Variants in CNTN6 observed in about 807,000 individuals in gnomAD.
CNTN6 encodes the protein contactin-6.
Under a neutral mutation model 122.8 loss-of-function variants are expected in CNTN6, and 137 were observed. The observed-to-expected ratio is 1.12, with a 90% CI of 0.97 to 1.29. The LOEUF (loss-of-function observed/expected upper bound fraction) is 1.29. Among genes scored for constraint, CNTN6 ranks in the 50% most tolerant of loss-of-function variants. CNTN6 has a pLI of 0.00. For synonymous variants in CNTN6, 570 were observed against 426.0 expected (o/e 1.34, Z -4.16); for missense variants, 1,634 against 1,223.4 (o/e 1.34, Z -5.01).
intron 12 of CNTN6, among the ~76,000 whole-genome samples, chr3:1,369,106 C>T (rs1195439309): frequency 6.6e-6 from 1 of 152,194 alleles, no homozygotes; most frequent in Non-Finnish European, 1.5e-5. Context: ...TCTGTGAACG[C>T]TCTTGCCTGC....
At chr3:1,293,037 A>G (rs1460281229) in intron 5 of CNTN6, among the ~76,000 whole-genome samples, 1 of 152,172 alleles carries the variant, frequency 6.6e-6, no homozygotes, top group Non-Finnish European at 1.5e-5. Flanking sequence ...TTCATGCGCA[A>G]GTAGCATTTA....
chr3:1,388,151 T>A (rs189292450), intron 20 of CNTN6, among the ~76,000 whole-genome samples: 2,878 of 151,742 alleles, frequency 0.019, 95 homozygotes, highest in African/African-American at 0.066. Flanking sequence ...TCTGCAGAGT[T>A]AAATGTCCCT....
intron 7 of CNTN6, among the ~76,000 whole-genome samples, chr3:1,310,742 C>A (rs1220676114): frequency 6.6e-6 from 1 of 152,126 alleles, no homozygotes. Context: ...TGGCTCATGC[C>A]TGTAATCCCA....
intron 12 of CNTN6, among the ~76,000 whole-genome samples, chr3:1,359,649 A>C (rs1426124278): frequency 6.6e-6 from 1 of 152,122 alleles, no homozygotes; most frequent in East Asian, 1.9e-4. Context: ...TACACGTGTG[A>C]GCAGATAATC....
intron 2 of CNTN6, among the ~76,000 whole-genome samples, chr3:1,179,347 C>G (rs915298981): frequency 6.6e-6 from 1 of 152,102 alleles, no homozygotes; most frequent in Non-Finnish European, 1.5e-5. Context: ...CTCGGAGTCT[C>G]TACCCACACA....
chr3:1,245,306 A>ATTT (rs1319121810), intron 4 of CNTN6, among the ~76,000 whole-genome samples: 1 of 10,028 alleles, frequency 1.0e-4, no homozygotes, highest in Non-Finnish European at 1.7e-4. Context: ...ATATATATAT[A>ATTT]TATATATATA....
intron 4 of CNTN6, among the ~76,000 whole-genome samples, chr3:1,239,615 G>T (rs2094458827): frequency 6.6e-6 from 1 of 152,034 alleles, no homozygotes; most frequent in African/African-American, 2.4e-5. Context: ...AATCTACAAA[G>T]TCAGTGCAAT....
At chr3:1,243,101 G>C (rs986380258) in intron 4 of CNTN6, among the ~76,000 whole-genome samples, 2 of 151,810 alleles carry the variant, frequency 1.3e-5, no homozygotes, top group Admixed American at 1.3e-4. Flanking sequence ...ATCTGGGAAG[G>C]AGTCAGTCAG....
chr3:1,203,376 A>G (rs1204232776), intron 2 of CNTN6, among the ~76,000 whole-genome samples: 1 of 152,228 alleles, frequency 6.6e-6, no homozygotes, highest in Non-Finnish European at 1.5e-5. Context: ...CCAGAGAGAT[A>G]TGAGCTGATA....
chr3:1,164,711 G>C (rs2093208034), intron 2 of CNTN6, among the ~76,000 whole-genome samples: 1 of 152,216 alleles, frequency 6.6e-6, no homozygotes, highest in African/African-American at 2.4e-5. Context: ...CTCTTCCTCT[G>C]TATTGTGAAG....
chr3:1,156,719 CTTTT>C (rs1437588309), intron 2 of CNTN6, among the ~76,000 whole-genome samples: 16 of 139,462 alleles, frequency 1.1e-4, no homozygotes, highest in African/African-American at 1.9e-4. Flanking sequence ...CTTCTTCTTT[CTTTT>C]TCTTTCTTTT....
At chr3:1,238,602 T>G (rs1424528279) in intron 4 of CNTN6, among the ~76,000 whole-genome samples, 3 of 152,138 alleles carry the variant, frequency 2.0e-5, no homozygotes, top group Non-Finnish European at 4.4e-5. Flanking sequence ...TTAACAGATA[T>G]TTACAGAAAA....
chr3:1,301,840 C>G (rs1192251986), intron 7 of CNTN6, among the ~76,000 whole-genome samples: 1 of 152,148 alleles, frequency 6.6e-6, no homozygotes, highest in Non-Finnish European at 1.5e-5. Context: ...AATACTTTGA[C>G]TACTTTGGAA....
intron 1 of CNTN6, among the ~76,000 whole-genome samples, chr3:1,119,659 C>T (rs2091877919): frequency 1.5e-5 from 2 of 134,998 alleles, no homozygotes; most frequent in Admixed American, 1.4e-4. Context: ...TTTTTCTACC[C>T]TTTCCTTTAT....
intron 7 of CNTN6, among the ~76,000 whole-genome samples, chr3:1,304,708 C>G (rs573277504): frequency 6.6e-6 from 1 of 151,718 alleles, no homozygotes; most frequent in African/African-American, 2.4e-5. Context: ...TAAAAATAAC[C>G]CTTGGCCGGG....
chr3:1,299,956 C>G (rs1696909245), intron 7 of CNTN6, among the ~76,000 whole-genome samples: 1 of 151,988 alleles, frequency 6.6e-6, no homozygotes. Context: ...CTGAATTATT[C>G]TAAAACCAAA....
At chr3:1,130,342 C>T (rs920542715) in intron 1 of CNTN6, among the ~76,000 whole-genome samples, 1 of 152,008 alleles carries the variant, frequency 6.6e-6, no homozygotes, top group African/African-American at 2.4e-5. Context: ...ACGGTGAAAA[C>T]CTAACTAAGT....
chr3:1,301,723 C>A (rs556374573), intron 7 of CNTN6, among the ~76,000 whole-genome samples: 6 of 139,790 alleles, frequency 4.3e-5, no homozygotes, highest in Admixed American at 3.4e-4. Context: ...AGCATCTGCT[C>A]GGTCAAAGCG....
At chr3:1,230,761 A>G (rs2125563466) in intron 4 of CNTN6, among the ~76,000 whole-genome samples, 1 of 152,364 alleles carries the variant, frequency 6.6e-6, no homozygotes. Context: ...TTCAGACTCT[A>G]AAACTCATGC....
Sources: allele counts gnomAD v4.1 joint callset (sites outside exome capture counted in the v4.1 genomes callset), GRCh38; gene constraint gnomAD v4.1.1; transcripts MANE v1.5; gene names NCBI Gene and HGNC (gene_info 2026-07-23, HGNC 2026-07-21).